The following GANC variants were observed in gnomAD, a reference collection of about 807,000 sequenced individuals.
GANC encodes neutral alpha-glucosidase C.
GANC carries 117 observed loss-of-function variants against 124.2 expected under a neutral mutation model. The observed-to-expected ratio is 0.94, with a 90% CI of 0.81 to 1.10. The LOEUF is 1.10. Ranked by LOEUF, GANC falls within the 50% of genes least tolerant of loss-of-function variation. GANC has a pLI of 0.00. For missense variants in GANC, 1,140 were observed against 1,095.0 expected (o/e 1.04, Z -0.58); for synonymous variants, 377 against 376.8 (o/e 1.00, Z -0.01).
rs769228205 is a variant in GANC at position 42,348,229 on chromosome 15, T to A, written c.2418+13T>A. 6 of 1,520,552 alleles carry A rather than the reference T, an allele frequency of 3.9e-6. No individual in the cohort carries two copies. The highest frequency in any genetic ancestry group is 1.4e-5 in the African/African-American group (1 of 72,770). 94.2% of individuals were successfully genotyped at this position (1,520,552 alleles called of 1,614,324 possible). A position where few individuals can be genotyped will look rare whatever the true frequency, so the allele number is the denominator to read the frequency against. On this transcript the variant is annotated intron_variant, in intron 21 of 23. Coordinates refer to ENST00000318010, the MANE Select transcript of GANC (RefSeq NM_198141.3). ...TCTAAGCACTAAGGTATTTGGTAAA[T>A]CTGTTACTCATTTTGTTTCTACTCT... is the stretch of plus-strand genomic sequence containing the variant.
chr15:42,307,630 A>G (rs1033411741), intron 7 of GANC, among the ~76,000 whole-genome samples: 5 of 152,212 alleles, frequency 3.3e-5, no homozygotes, highest in Admixed American at 1.3e-4. Context: ...AGTCATTTGC[A>G]TTTTTCCCAT....
intron 10 of GANC, among the ~76,000 whole-genome samples, chr15:42,319,683 A>G (rs1294748389): frequency 7.2e-5 from 11 of 152,232 alleles, no homozygotes; most frequent in Non-Finnish European, 1.6e-4. Flanking sequence ...AATTCAAAAT[A>G]GCACACCACG....
intron 11 of GANC, among the ~76,000 whole-genome samples, chr15:42,322,296 T>TCCC (rs1358425089): frequency 6.6e-6 from 1 of 152,090 alleles, no homozygotes; most frequent in Non-Finnish European, 1.5e-5. Context: ...AGTAATGTGA[T>TCCC]CCCCCCACTC....
chr15:42,311,941 G>A (rs778932918), intron 10 of GANC, among the ~76,000 whole-genome samples: 1 of 151,882 alleles, frequency 6.6e-6, no homozygotes, highest in Non-Finnish European at 1.5e-5. Context: ...ATATCCAAAA[G>A]AATAAAATAC....
At chr15:42,288,897 C>T (rs2051817085) in intron 4 of GANC, among the ~76,000 whole-genome samples, 1 of 152,144 alleles carries the variant, frequency 6.6e-6, no homozygotes, top group Non-Finnish European at 1.5e-5. Flanking sequence ...ATACATATAA[C>T]CTCCTGGCCA....
At chr15:42,337,687 AAC>A (rs1292003186) in intron 15 of GANC, among the ~76,000 whole-genome samples, 60 of 152,342 alleles carry the variant, frequency 3.9e-4, no homozygotes, top group African/African-American at 1.3e-3. Context: ...TTACCAACAT[AAC>A]ACACCTGTGC....
chr15:42,305,026 A>G (rs912851331), intron 6 of GANC, among the ~76,000 whole-genome samples: 6 of 107,092 alleles, frequency 5.6e-5, no homozygotes, highest in Admixed American at 1.1e-4. Flanking sequence ...AACGTAGGCA[A>G]TACCATTCAG....
rs747395938 is a variant in GANC at position 42,321,783 on chromosome 15, A to G, written c.1058-2A>G. 6.2e-7 allele frequency: 1 copy of G among 1,613,572 alleles called. No individual in the cohort carries two copies. ...GACTCAGTTGTCATCTCCCTCTTTT[A>G]GGCACACAAGCCATGCCCCCTCTTT... is the stretch of plus-strand genomic sequence containing the variant. On this transcript the variant is annotated splice_acceptor_variant, in intron 10 of 23. Transcript: ENST00000318010. LOFTEE classifies it high-confidence loss of function.
intron 10 of GANC, among the ~76,000 whole-genome samples, chr15:42,313,491 G>A (rs1250259937): frequency 6.6e-6 from 1 of 152,152 alleles, no homozygotes; most frequent in African/African-American, 2.4e-5. Flanking sequence ...TCTGATATGG[G>A]TCTCTTATCC....
At chr15:42,338,933 G>T (rs572215356) in intron 16 of GANC, among the ~76,000 whole-genome samples, 110 of 152,248 alleles carry the variant, frequency 7.2e-4, no homozygotes, top group African/African-American at 2.5e-3. Context: ...AAAAACATAT[G>T]CTCTTGAGAA....
At position 42,338,445 on chromosome 15, in the gene GANC, C is replaced by G; in HGVS notation, c.1798C>G (p.Pro600Ala). 6.2e-7 allele frequency: 1 copy of G among 1,613,996 alleles called. No individual in the cohort carries two copies. Among genetic ancestry groups the G allele is most frequent in the Non-Finnish European group, 8.5e-7 (1 of 1,179,930 alleles). Residue 600 changes from proline (P) to alanine (A), a missense_variant, in exon 16 of 24, where the codon CCA becomes GCA. Coordinates refer to ENST00000318010, the MANE Select transcript of GANC (RefSeq NM_198141.3). ...ATGGAGCAACTTGAAAATTTCTATC[C>G]CAATGTTACTCACTCTCAGCATTAC... ...AEWSNLKISI[P>A]MLLTLSITGI...
intron 6 of GANC, 69 bp from the exon 7 acceptor site, chr15:42,306,477 T>A (rs965217355): frequency 2.5e-6 from 3 of 1,176,520 alleles, no homozygotes; most frequent in Non-Finnish European, 3.7e-6. Flanking sequence ...CCAAATAAAA[T>A]GAGCTATTGT....
At chr15:42,305,614 A>G (rs1189856814) in intron 6 of GANC, among the ~76,000 whole-genome samples, 2 of 152,268 alleles carry the variant, frequency 1.3e-5, no homozygotes, top group African/African-American at 2.4e-5. Flanking sequence ...CTAAAGAATT[A>G]TAAATCATTC....
At chr15:42,292,605 T>C in intron 4 of GANC, 130 bp from the exon 5 acceptor site, 1 of 853,628 alleles carries the variant, frequency 1.2e-6, no homozygotes. Flanking sequence ...CATTAACTTT[T>C]CTCTGTTGCC....
In GANC at chr15:42,293,393, G is replaced by A. The variant is rs114365664; in HGVS notation, c.512+476G>A. Among the ~76,000 whole-genome samples the A allele has an allele frequency of 5.7e-3, 865 of 152,140 alleles. 14 individuals are homozygous for A. The highest frequency in any genetic ancestry group is 0.02 in the African/African-American group (816 of 41,516). On this transcript the variant is annotated intron_variant, in intron 5 of 23. Transcript: ENST00000318010. ...GAGGAGATTCTTATTCCATTCTTACGAACACTGTTTTTAAATCTTTTAGTC... is the reference window on the plus strand; with the variant it reads ...GAGGAGATTCTTATTCCATTCTTACAAACACTGTTTTTAAATCTTTTAGTC...
At chr15:42,349,633 T>C in intron 22 of GANC, 138 bp downstream of exon 22, 1 of 594,058 alleles carries the variant, frequency 1.7e-6, no homozygotes, top group Non-Finnish European at 3.0e-6. Flanking sequence ...CGGAATATTT[T>C]TTTCTTTTCT....
intron 6 of GANC, among the ~76,000 whole-genome samples, chr15:42,301,347 C>T (rs888697108): frequency 6.6e-6 from 1 of 152,210 alleles, no homozygotes. Context: ...TACACTTCTC[C>T]CATGGTCTTG....
In GANC at chr15:42,309,251, C is replaced by G. The variant is rs2052027787; in HGVS notation, c.722+933C>G. Among the ~76,000 whole-genome samples, 3 of 152,162 alleles carry G rather than the reference C, an allele frequency of 2.0e-5. No homozygotes were observed. The South Asian group carries it at 6.2e-4, about 32-fold the overall frequency. On this transcript the variant is annotated intron_variant, in intron 8 of 23. Coordinates refer to ENST00000318010, the MANE Select transcript of GANC (RefSeq NM_198141.3). ...TGTGCTGCTCTCACACTGATTTCAG[C>G]TCTGTGCTCCCACCCCCAATTCAGT...
chr15:42,321,526 A>G (rs1309254826), intron 10 of GANC, among the ~76,000 whole-genome samples: 1 of 152,180 alleles, frequency 6.6e-6, no homozygotes, highest in African/African-American at 2.4e-5. Flanking sequence ...GGCAGAATTT[A>G]TTAACCTCTC....
Sources: allele counts gnomAD v4.1 joint callset (sites outside exome capture counted in the v4.1 genomes callset), GRCh38; gene constraint gnomAD v4.1.1; transcripts MANE v1.5; gene names NCBI Gene and HGNC (gene_info 2026-07-23, HGNC 2026-07-21).